SLC4A10: variants seen among roughly 807,000 people sequenced by gnomAD.
The protein encoded by SLC4A10 is solute carrier family 4 member 10.
In SLC4A10, 42 loss-of-function variants were observed where a neutral mutation model predicts 137.7. The observed-to-expected ratio is 0.30, with a 90% CI of 0.24 to 0.39. The LOEUF (loss-of-function observed/expected upper bound fraction) is 0.39, where lower values mean the gene tolerates loss of function less well. Ranked by LOEUF, SLC4A10 falls within the 10% of genes least tolerant of loss-of-function variation. SLC4A10 has a pLI of 1.00. For synonymous variants in SLC4A10, 474 were observed against 464.1 expected (o/e 1.02, Z -0.27); for missense variants, 925 against 1,355.0 (o/e 0.68, Z 4.98).
intron 5 of SLC4A10, 91 bp downstream of exon 5, chr2:161,855,221 G>C (rs959796779): frequency 3.2e-6 from 4 of 1,238,702 alleles, no homozygotes; most frequent in African/African-American, 3.1e-5. Context: ...TATGAACTTT[G>C]GAAAACTAAT....
intron 1 of SLC4A10, among the ~76,000 whole-genome samples, chr2:161,691,635 T>A (rs921749051): frequency 2.0e-5 from 3 of 152,064 alleles, no homozygotes; most frequent in Non-Finnish European, 4.4e-5. Flanking sequence ...GTCATCATTT[T>A]AAAAAGTAAA....
At chr2:161,863,722 A>C (rs1372787785) in intron 6 of SLC4A10, among the ~76,000 whole-genome samples, 1 of 152,158 alleles carries the variant, frequency 6.6e-6, no homozygotes, top group Non-Finnish European at 1.5e-5. Flanking sequence ...TTTATGCTTC[A>C]GACTATTTTG....
chr2:161,866,578 A>C (rs1160275703), intron 6 of SLC4A10, among the ~76,000 whole-genome samples: 1 of 151,996 alleles, frequency 6.6e-6, no homozygotes, highest in Non-Finnish European at 1.5e-5. Context: ...TGACAGTTAC[A>C]TTTGGCAAAA....
At chr2:161,736,672 T>G (rs1292177011) in intron 1 of SLC4A10, among the ~76,000 whole-genome samples, 1 of 152,130 alleles carries the variant, frequency 6.6e-6, no homozygotes, top group Non-Finnish European at 1.5e-5. Flanking sequence ...ATGATTCAAT[T>G]ATCTCTCATT....
At chr2:161,761,094 CAG>C (rs2050211237) in intron 1 of SLC4A10, among the ~76,000 whole-genome samples, 1 of 151,974 alleles carries the variant, frequency 6.6e-6, no homozygotes, top group Non-Finnish European at 1.5e-5. Flanking sequence ...TCACTCAAGA[CAG>C]AGAGATTACA....
intron 17 of SLC4A10, among the ~76,000 whole-genome samples, chr2:161,948,189 A>G (rs1476056002): frequency 3.9e-5 from 6 of 152,156 alleles, no homozygotes; most frequent in Admixed American, 3.9e-4. Flanking sequence ...TTTGGAAAGG[A>G]AAGTAAACAG....
chr2:161,863,158 G>T, intron 6 of SLC4A10, 96 bp downstream of exon 6: 1 of 1,158,834 alleles, frequency 8.6e-7, no homozygotes, highest in South Asian at 2.1e-5. Flanking sequence ...ATTTGAAAAT[G>T]ATTTTTTGAA....
intron 1 of SLC4A10, among the ~76,000 whole-genome samples, chr2:161,652,348 C>T (rs2036919110): frequency 6.6e-6 from 1 of 152,102 alleles, no homozygotes; most frequent in Non-Finnish European, 1.5e-5. Flanking sequence ...TTTTCTTGCT[C>T]AAATTGTTAC....
intron 1 of SLC4A10, among the ~76,000 whole-genome samples, chr2:161,630,350 G>A (rs1384018414): frequency 2.0e-5 from 3 of 151,780 alleles, no homozygotes; most frequent in African/African-American, 4.8e-5. Flanking sequence ...CACATACTGA[G>A]TTAGGGAGTG....
rs555576036 is a variant in SLC4A10 at position 161,940,295 on chromosome 2, G to A, written c.1998-2497G>A. ...TTCCCAAGAGGAGAAGACCAACAGCGTTTCTTGTCTCCCTTCACCCTTCCC... is the reference window on the plus strand; with the variant it reads ...TTCCCAAGAGGAGAAGACCAACAGCATTTCTTGTCTCCCTTCACCCTTCCC... On this transcript the variant is annotated intron_variant, in intron 15 of 26. Coordinates refer to ENST00000446997, the MANE Select transcript of SLC4A10 (RefSeq NM_001178015.2). Among the ~76,000 whole-genome samples the A allele has an allele frequency of 5.3e-5, 8 of 152,204 alleles. No homozygotes were observed. The South Asian group carries it at 1.0e-3, about 20-fold the overall frequency.
chr2:161,925,181 C>T (rs1445975827), intron 15 of SLC4A10, among the ~76,000 whole-genome samples: 1 of 152,112 alleles, frequency 6.6e-6, no homozygotes, highest in East Asian at 1.9e-4. Flanking sequence ...TGGTCCTGGA[C>T]TCTTTTTGGT....
intron 23 of SLC4A10, among the ~76,000 whole-genome samples, chr2:161,972,736 A>C (rs1698775339): frequency 6.6e-6 from 1 of 152,180 alleles, no homozygotes; most frequent in Non-Finnish European, 1.5e-5. Flanking sequence ...GAGCTCATGC[A>C]GTCTCTGGCA....
At chr2:161,895,898 G>A (rs990292232) in intron 11 of SLC4A10, among the ~76,000 whole-genome samples, 1 of 151,862 alleles carries the variant, frequency 6.6e-6, no homozygotes, top group African/African-American at 2.4e-5. Context: ...CTTTTGCTGT[G>A]CAGAAGCTCT....
At chr2:161,774,569 T>C (rs1050898341) in intron 2 of SLC4A10, among the ~76,000 whole-genome samples, 1 of 151,812 alleles carries the variant, frequency 6.6e-6, no homozygotes, top group Non-Finnish European at 1.5e-5. Context: ...AGGAGCTGCC[T>C]CTTGCCTATA....
chr2:161,934,313 C>T (rs1310176871), intron 15 of SLC4A10, among the ~76,000 whole-genome samples: 1 of 152,104 alleles, frequency 6.6e-6, no homozygotes, highest in Non-Finnish European at 1.5e-5. Context: ...GCCTGCCCAC[C>T]CCTCATTACC....
chr2:161,812,065 G>A (rs2056603154), intron 3 of SLC4A10, among the ~76,000 whole-genome samples: 1 of 151,852 alleles, frequency 6.6e-6, no homozygotes, highest in African/African-American at 2.4e-5. Context: ...TTCAATATCT[G>A]GCTTCAGTAA....
chr2:161,872,984 G>C (rs1414261604), intron 7 of SLC4A10, among the ~76,000 whole-genome samples: 1 of 152,142 alleles, frequency 6.6e-6, no homozygotes, highest in Non-Finnish European at 1.5e-5. Context: ...AAAGTGCTGG[G>C]ATTACAGGCG....
chr2:161,677,289 A>T (rs2040371643), intron 1 of SLC4A10, among the ~76,000 whole-genome samples: 1 of 152,086 alleles, frequency 6.6e-6, no homozygotes, highest in African/African-American at 2.4e-5. Context: ...ACCTCACTGG[A>T]AGCAGATGCT....
chr2:161,738,314 A>G (rs1449629), intron 1 of SLC4A10, among the ~76,000 whole-genome samples: 38,783 of 152,092 alleles, frequency 0.25, 6,545 homozygotes, highest in African/African-American at 0.49. Flanking sequence ...ATTTAACAGG[A>G]TTTAATTTAG....
Sources: allele counts gnomAD v4.1 joint callset (sites outside exome capture counted in the v4.1 genomes callset), GRCh38; gene constraint gnomAD v4.1.1; transcripts MANE v1.5; gene names NCBI Gene and HGNC (gene_info 2026-07-23, HGNC 2026-07-21).